Variants in DHRSX observed in about 807,000 individuals in gnomAD.
DHRSX encodes the protein polyprenol dehydrogenase.
A neutral mutation model predicts 34.0 loss-of-function variants in DHRSX; 31 were observed. That is an observed-to-expected ratio of 0.91 (90% CI 0.69 to 1.23). The LOEUF (loss-of-function observed/expected upper bound fraction) is 1.23, where lower values mean the gene tolerates loss of function less well. Ranked by LOEUF, DHRSX falls within the 50% of genes most tolerant of loss-of-function variation. The probability of loss-of-function intolerance (pLI) is 0.00; values close to 1 mark genes in which losing one functional copy is unlikely to be tolerated. For synonymous variants in DHRSX, 201 were observed against 183.8 expected, an observed-to-expected ratio of 1.09 and a Z score of -0.76; for missense variants, 414 against 428.1, an observed-to-expected ratio of 0.97 and a Z score of 0.29.
intron 3 of DHRSX, among the ~76,000 whole-genome samples, chrX:2,307,796 A>AT (rs1569486343): frequency 7.0e-6 from 1 of 143,128 alleles, no homozygotes; most frequent in African/African-American, 2.5e-5. Context: ...AAATAAAAAA[A>AT]ATAAAATAAA....
intron 3 of DHRSX, among the ~76,000 whole-genome samples, chrX:2,396,692 A>G (rs2043415291): frequency 6.6e-6 from 1 of 150,868 alleles, no homozygotes; most frequent in African/African-American, 2.4e-5. Context: ...TGCCTCTTCC[A>G]GCTCCTGGTA....
intron 6 of DHRSX, among the ~76,000 whole-genome samples, chrX:2,223,220 T>C (rs1238711737): frequency 6.6e-6 from 1 of 152,148 alleles, no homozygotes; most frequent in African/African-American, 2.4e-5. Flanking sequence ...GAGATCTTTC[T>C]CGTGCTGTTC....
At chrX:2,375,086 T>C (rs1466666243) in intron 3 of DHRSX, among the ~76,000 whole-genome samples, 2 of 137,086 alleles carry the variant, frequency 1.5e-5, no homozygotes, top group East Asian at 4.0e-4. Context: ...GAAACATAAA[T>C]AAACAAAAAT....
chrX:2,299,014 A>AT (rs1556457787), intron 3 of DHRSX, among the ~76,000 whole-genome samples: 4,059 of 131,410 alleles, frequency 0.031, 519 homozygotes, highest in African/African-American at 0.1. Context: ...AAAAAAAAAA[A>AT]TGGGAAAAAT....
chrX:2,450,107 G>A (rs1466556540), intron 1 of DHRSX, among the ~76,000 whole-genome samples: 1 of 150,354 alleles, frequency 6.7e-6, no homozygotes, highest in Non-Finnish European at 1.5e-5. Flanking sequence ...GGACAAATAA[G>A]TGCATTCCAA....
chrX:2,259,642 G>A (rs1206192761), intron 5 of DHRSX, among the ~76,000 whole-genome samples: 1 of 152,112 alleles, frequency 6.6e-6, no homozygotes, highest in Non-Finnish European at 1.5e-5. Context: ...CTGGAGACCA[G>A]AAGTCTGAAA....
At chrX:2,401,978 G>A (rs2043491438) in intron 3 of DHRSX, among the ~76,000 whole-genome samples, 1 of 152,132 alleles carries the variant, frequency 6.6e-6, no homozygotes, top group South Asian at 2.1e-4. Flanking sequence ...GCCCAGCGTG[G>A]GATCTCAGAG....
chrX:2,440,514 T>G (rs2044049288), intron 1 of DHRSX, among the ~76,000 whole-genome samples: 2 of 150,804 alleles, frequency 1.3e-5, no homozygotes, highest in South Asian at 4.2e-4. Flanking sequence ...TTTCTGCTTT[T>G]TAAATGTTTT....
At chrX:2,334,181 T>TTTTTTTTTTTTTTTG (rs1569490397) in intron 3 of DHRSX, 2 of 148,488 alleles carry the variant, frequency 1.3e-5, no homozygotes. Flanking sequence ...TTTTTTTTTT[T>TTTTTTTTTTTTTTTG]GAGACACAGT....
At chrX:2,317,483 C>T (rs1396608620) in intron 3 of DHRSX, among the ~76,000 whole-genome samples, 7 of 151,644 alleles carry the variant, frequency 4.6e-5, no homozygotes, top group Non-Finnish European at 1.0e-4. Context: ...AACTCCTGAC[C>T]TCAGGTGATC....
At chrX:2,364,904 T>C (rs1285631704) in intron 3 of DHRSX, among the ~76,000 whole-genome samples, 4 of 152,206 alleles carry the variant, frequency 2.6e-5, no homozygotes, top group African/African-American at 9.7e-5. Context: ...AGCTATTATC[T>C]ATCTAGCTAT....
chrX:2,266,220 T>C (rs1337238836), intron 5 of DHRSX, among the ~76,000 whole-genome samples: 1 of 138,430 alleles, frequency 7.2e-6, no homozygotes, highest in East Asian at 2.2e-4. Context: ...CAGGGAGCAC[T>C]GTCCCCAGAG....
intron 2 of DHRSX, among the ~76,000 whole-genome samples, chrX:2,409,430 T>G (rs991838080): frequency 6.6e-6 from 1 of 152,144 alleles, no homozygotes; most frequent in Non-Finnish European, 1.5e-5. Context: ...CCCTGCCCCC[T>G]CAACCCCTCG....
chrX:2,353,142 G>T (rs2042807700), intron 3 of DHRSX, among the ~76,000 whole-genome samples: 1 of 152,176 alleles, frequency 6.6e-6, no homozygotes, highest in Non-Finnish European at 1.5e-5. Flanking sequence ...CTACTCGAGA[G>T]ACTGAGGTGG....
intron 3 of DHRSX, among the ~76,000 whole-genome samples, chrX:2,373,576 G>C (rs1046754582): frequency 1.3e-5 from 2 of 152,274 alleles, no homozygotes; most frequent in Non-Finnish European, 2.9e-5. Context: ...GCAAGGAAGA[G>C]CTGAGGGACT....
chrX:2,498,814 G>C (rs2045344686), intron 1 of DHRSX, among the ~76,000 whole-genome samples: 1 of 152,072 alleles, frequency 6.6e-6, no homozygotes, highest in Admixed American at 6.6e-5. Flanking sequence ...AATCTTCTGC[G>C]AGACTCCACA....
chrX:2,383,890 G>A (rs779536247), intron 3 of DHRSX, among the ~76,000 whole-genome samples: 8 of 152,342 alleles, frequency 5.3e-5, no homozygotes, highest in African/African-American at 1.9e-4. Context: ...TCAAGAACCA[G>A]GAACCACATG....
Position 2,464,161 on chromosome X carries a change from G to A in DHRSX, c.109+36656C>T, listed in dbSNP as rs747200473. Among the ~76,000 whole-genome samples, 3 of 145,540 alleles carry A rather than the reference G, an allele frequency of 2.1e-5. No individual in the cohort carries two copies. In the East Asian group the frequency reaches 6.3e-4, roughly 31 times the overall value. Reference sequence around the variant, plus strand: ...ACTGAAGACGCTCCCTAAGAATGCAGCGAAGAGATGGCAGACGTTTCCTAG... The same window carrying A: ...ACTGAAGACGCTCCCTAAGAATGCAACGAAGAGATGGCAGACGTTTCCTAG... On this transcript the variant is annotated intron_variant, in intron 1 of 6. Coordinates refer to ENST00000334651, the MANE Select transcript of DHRSX (RefSeq NM_145177.3).
In DHRSX at chrX:2,243,077, G is replaced by A. The variant is rs748821880; in HGVS notation, c.750C>T (p.His250=). Reference sequence around the variant, plus strand: ...TCGCCAGACGGGTGGCCCAGAACACGTGCTTGTAGACGTCCGTGTTGACCA... The same window carrying A: ...TCGCCAGACGGGTGGCCCAGAACACATGCTTGTAGACGTCCGTGTTGACCA... ...PGVVNTDVYK[H]VFWATRLAKK... Residue 250 remains histidine, a synonymous_variant, in exon 6 of 7, where the codon CAC becomes CAT. Transcript: ENST00000334651. The A allele has an allele frequency of 8.3e-5, 134 of 1,613,744 alleles. 1 individual carries two copies. The highest frequency in any genetic ancestry group is 7.5e-5 in the Non-Finnish European group (89 of 1,179,854).
Sources: gnomAD v4.1 joint callset for allele counts (sites outside exome capture counted in the v4.1 genomes callset) on GRCh38, gnomAD v4.1.1 for gene constraint, MANE v1.5 for transcripts, NCBI Gene and HGNC (gene_info 2026-07-23, HGNC 2026-07-21) for gene names.